PSMD6: variants seen among roughly 807,000 people sequenced by gnomAD.
PSMD6 encodes 26S proteasome non-ATPase regulatory subunit 6.
PSMD6 carries 7 observed loss-of-function variants against 44.9 expected under a neutral mutation model. The observed-to-expected ratio is 0.16, with a 90% CI of 0.09 to 0.29. The LOEUF (loss-of-function observed/expected upper bound fraction) is 0.29. Among genes scored for constraint, PSMD6 ranks in the 10% least tolerant of loss-of-function variants. The pLI is 1.00. For synonymous variants in PSMD6, 184 were observed against 172.7 expected, an observed-to-expected ratio of 1.07 and a Z score of -0.51; for missense variants, 420 against 482.6, an observed-to-expected ratio of 0.87 and a Z score of 1.21.
At chr3:64,011,502 G>C (rs2106837798) in intron 6 of PSMD6, 1 of 148,672 alleles carries the variant, frequency 6.7e-6, no homozygotes, top group Middle Eastern at 3.4e-3. Context: ...CTTTTTAAGG[G>C]AGAAAAAAAG....
intron 6 of PSMD6, 180 bp downstream of exon 6, chr3:64,013,259 T>G: frequency 7.4e-6 from 4 of 542,160 alleles, no homozygotes; most frequent in Non-Finnish European, 9.5e-6. Flanking sequence ...GGGGCAGACA[T>G]GACATGAGGA....
At chr3:64,023,641 C>A (rs1032357624), upstream of PSMD6, 4 of 1,437,134 alleles carry the variant, frequency 2.8e-6, no homozygotes, top group Non-Finnish European at 3.6e-6. Flanking sequence ...CCTCAAGGCC[C>A]CCTGCGGAGT....
chr3:64,012,330 T>TGATCTAG (rs2075971193), intron 6 of PSMD6: 1 of 152,152 alleles, frequency 6.6e-6, no homozygotes, highest in South Asian at 2.1e-4. Flanking sequence ...TGGGAGCCAC[T>TGATCTAG]GATCTAGATG....
At chr3:64,023,855 T>C, upstream of PSMD6, 1 of 1,462,332 alleles carries the variant, frequency 6.8e-7, no homozygotes, top group East Asian at 2.5e-5. Context: ...ATCATCTTCA[T>C]GCTGCGAGGT....
At chr3:64,013,269 A>G in intron 6 of PSMD6, 170 bp downstream of exon 6, 1 of 568,642 alleles carries the variant, frequency 1.8e-6, no homozygotes, top group Non-Finnish European at 3.0e-6. Context: ...TGACATGAGG[A>G]AGGCAGAGGC....
Position 64,022,609 on chromosome 3 carries a change from C to T in PSMD6, c.146-86G>A, listed in dbSNP as rs561656333. 315 of 1,569,080 alleles carry T rather than the reference C, an allele frequency of 2.0e-4. No homozygotes were observed. The African/African-American group carries it at 4.0e-3, about 20-fold the overall frequency. On this transcript the variant is annotated intron_variant, in intron 1 of 7. Coordinates refer to ENST00000295901, the MANE Select transcript of PSMD6 (RefSeq NM_014814.3). ...CCCACGTATTTCACCCCCCGCCCCG[C>T]CACAAGTCATCCACCAGTCTCTTCC...
At position 64,019,323 on chromosome 3, in the gene PSMD6, A is replaced by G; in HGVS notation, c.470T>C (p.Ile157Thr). The change falls in exon 3 of 8, where the codon ATC becomes ACC. Residue 157 changes from isoleucine to threonine, a missense_variant. By Grantham distance (89) the Ile-to-Thr change is moderately conservative. Around this residue, in one of 4 missense-constraint regions of PSMD6, gnomAD observed 216 missense variants for 227.0 expected, o/e 0.95. Transcript: ENST00000295901. Reference protein sequence around the residue: ...IGLFYMDNDLITRNTEKAKSL... With the variant: ...IGLFYMDNDLTTRNTEKAKSL... ...TTTGGCCTTTTCTGTGTTTCGTGTGATGAGATCATTATCCATATAAAATAA... is the reference window on the plus strand; with the variant it reads ...TTTGGCCTTTTCTGTGTTTCGTGTGGTGAGATCATTATCCATATAAAATAA... The G allele has an allele frequency of 6.3e-7, 1 of 1,590,640 alleles. No individual in the cohort carries two copies. The highest frequency in any genetic ancestry group is 8.6e-7 in the Non-Finnish European group (1 of 1,158,746).
Position 64,017,968 on chromosome 3 carries a change from G to C in PSMD6, c.826+631C>G, listed in dbSNP as rs553099462. 5.9e-5 allele frequency among the ~76,000 whole-genome samples: 9 copies of C among 152,238 alleles called. No homozygotes were observed. The East Asian group carries it at 1.7e-3, about 29-fold the overall frequency. ...GAAACCAAATAGCCAGGAAAGAATGGGGACAAGAGGGAGAAACAAGCAAAT... is the reference window on the plus strand; with the variant it reads ...GAAACCAAATAGCCAGGAAAGAATGCGGACAAGAGGGAGAAACAAGCAAAT... On this transcript the variant is annotated intron_variant, in intron 5 of 7. Transcript: ENST00000295901.
intron 5 of PSMD6, among the ~76,000 whole-genome samples, chr3:64,018,158 T>C (rs1040871336): frequency 1.3e-5 from 2 of 152,222 alleles, no homozygotes; most frequent in Non-Finnish European, 2.9e-5. Context: ...CAAGGTTCAA[T>C]TAATCTCCAC....
chr3:64,019,170 TA>T, intron 3 of PSMD6, 125 bp downstream of exon 3: 1 of 1,380,718 alleles, frequency 7.2e-7, no homozygotes, highest in Non-Finnish European at 1.0e-6. Context: ...ATTATTTTAC[TA>T]AATAAGTACA....
chr3:64,023,297 C>T lies in PSMD6; in HGVS notation c.123G>A (p.Leu41=). 5.7e-6 allele frequency: 9 copies of T among 1,580,108 alleles called. No homozygotes were observed. The highest frequency in any genetic ancestry group is 6.9e-6 in the Non-Finnish European group (8 of 1,163,820). The change falls in exon 1 of 8, where the codon CTG becomes CTA. Residue 41 remains leucine, a synonymous_variant. Transcript: ENST00000295901. ...CACTGTTATCGCGGACGGCCGCCAT[C>T]AGCTCGTCGCGCACGGCAGCGTCTC... ...HRGDAAVRDE[L]MAAVRDNNMA... is the part of the protein sequence containing the mutation.
At chr3:64,017,319 G>A (rs7617036) in intron 5 of PSMD6, 37,385 of 151,952 alleles carry the variant, frequency 0.25, 5,568 homozygotes, top group African/African-American at 0.41. Context: ...TTTTTTAAAG[G>A]AGGGGGCATA....
rs1251935929 is a variant in PSMD6, at chr3:64,010,555, G to GAAAC, written c.*109_*112dup. 1.4e-6 allele frequency: 1 copy of GAAAC among 716,144 alleles called. No individual in the cohort carries two copies. Among genetic ancestry groups the GAAAC allele is most frequent in the Non-Finnish European group, 2.2e-6 (1 of 456,866 alleles). 44.4% of individuals were successfully genotyped at this position (716,144 alleles called of 1,614,324 possible). On this transcript the variant is annotated 3_prime_UTR_variant, in exon 8 of 8. Transcript: ENST00000295901. ...TGTTTAAGAAAAAAATAAATGGAAA[G>GAAAC]AAACAACAATGCAGTATTTATTTTA...
At position 64,022,441 on chromosome 3, in the gene PSMD6, T is replaced by G. The variant is rs755265562; in HGVS notation, c.228A>C (p.Ala76=). 9.9e-6 allele frequency: 16 copies of G among 1,614,096 alleles called. No individual in the cohort carries two copies. Among genetic ancestry groups the G allele is most frequent in the Non-Finnish European group, 1.2e-5 (14 of 1,180,018 alleles). Residue 76 remains alanine (A), a synonymous_variant, in exon 2 of 8, where the codon GCA becomes GCC. Transcript: ENST00000295901. ...DVDLLNKMKK[A]NEDELKRLDE... ...CCAAACGCTTCAACTCATCTTCATT[T>G]GCCTTCTTCATTTTATTGAGTAGGT...
intron 5 of PSMD6, chr3:64,017,370 G>A (rs1365836867): frequency 2.0e-5 from 3 of 152,098 alleles, no homozygotes; most frequent in African/African-American, 7.2e-5. Context: ...GATTTGTTCT[G>A]ACTGAGGGAA....
intron 5 of PSMD6, 93 bp from the exon 6 acceptor site, chr3:64,013,700 A>G: frequency 8.8e-7 from 1 of 1,136,052 alleles, no homozygotes; most frequent in South Asian, 1.9e-5. Flanking sequence ...AGTCCAACAG[A>G]TAGATGAACA....
Position 64,010,674 on chromosome 3 carries a change from A to G in PSMD6, c.1164T>C (p.Asn388=), listed in dbSNP as rs1175945284. 3 of 1,584,246 alleles carry G rather than the reference A, an allele frequency of 1.9e-6. No homozygotes were observed. Among genetic ancestry groups the G allele is most frequent in the Admixed American group, 1.7e-5 (1 of 59,078 alleles). The change falls in exon 8 of 8, where the codon AAT becomes AAC. Residue 388 remains asparagine, a synonymous_variant. Transcript: ENST00000295901. ...NRVQKLSRVI[N]M is the part of the protein sequence containing the mutation. ...CTTTGTTAGTTACATGGCTTTACAT[A>G]TTAATTACTCTGGAAAGTTTTTGAA... is the stretch of plus-strand genomic sequence containing the variant.
At chr3:64,022,196 C>G in intron 2 of PSMD6, 122 bp downstream of exon 2, 1 of 1,094,424 alleles carries the variant, frequency 9.1e-7, no homozygotes, top group Non-Finnish European at 1.3e-6. Context: ...TACAAGCAAG[C>G]ATGATTACCT....
At chr3:64,016,726 G>T (rs1281096928) in intron 5 of PSMD6, 1 of 152,166 alleles carries the variant, frequency 6.6e-6, no homozygotes, top group African/African-American at 2.4e-5. Context: ...TCACACAGCT[G>T]ATGGGAATGT....
Sources: gnomAD v4.1 joint callset for allele counts (sites outside exome capture counted in the v4.1 genomes callset) on GRCh38, gnomAD v4.1.1 for gene constraint, gnomAD v4.1.1 regional missense constraint, MANE v1.5 for transcripts, NCBI Gene and HGNC (gene_info 2026-07-23, HGNC 2026-07-21) for gene names.